PHACTR2: variants seen among roughly 807,000 people sequenced by gnomAD.
PHACTR2 encodes the protein phosphatase and actin regulator 2.
PHACTR2 carries 30 observed loss-of-function variants against 76.0 expected under a neutral mutation model. The ratio of observed to expected loss-of-function variants is 0.39; its 90% CI spans 0.30 to 0.54. The LOEUF (loss-of-function observed/expected upper bound fraction) is 0.54. PHACTR2 is among the 20% of genes least tolerant of loss of function. The pLI, the probability that PHACTR2 is intolerant of heterozygous loss-of-function variation, is 0.61. For missense variants in PHACTR2, 696 were observed against 781.1 expected (o/e 0.89, Z 1.30); for synonymous variants, 292 against 292.5 (o/e 1.00, Z 0.02).
At chr6:143,735,685 T>C (rs533671179) in intron 2 of PHACTR2, among the ~76,000 whole-genome samples, 17 of 152,020 alleles carry the variant, frequency 1.1e-4, no homozygotes, top group South Asian at 6.2e-4. Context: ...GAAAGTTTAA[T>C]CACCTGTGTT....
At chr6:143,813,388 G>A (rs2128485239) in intron 12 of PHACTR2, among the ~76,000 whole-genome samples, 1 of 152,242 alleles carries the variant, frequency 6.6e-6, no homozygotes, top group African/African-American at 2.4e-5. Context: ...GGGAGGCTGA[G>A]GTCGGTGGAT....
upstream of PHACTR2, among the ~76,000 whole-genome samples, chr6:143,604,545 T>C (rs1393921252): frequency 6.6e-6 from 1 of 152,190 alleles, no homozygotes. Flanking sequence ...CCATCAGTTC[T>C]TCTCTGTGCT....
At position 143,547,923 on chromosome 6, in the gene PHACTR2, C is replaced by G. The variant is rs1212028682; in HGVS notation, c.217+10716C>G. Among the ~76,000 whole-genome samples the G allele has an allele frequency of 6.6e-6, 1 of 152,204 alleles. No individual in the cohort carries two copies. Among genetic ancestry groups the G allele is most frequent in the Admixed American group, 6.5e-5 (1 of 15,290 alleles). On this transcript the variant is annotated intron_variant, in intron 1 of 11. Coordinates refer to the PHACTR2 transcript ENST00000367584. This position sits in a 1 kb window ranked among gnomAD's most constrained non-coding sequence, Gnocchi z 4.2. ...ATCTATCTATCATCTATCTATCCAT[C>G]TATCCATTCATCATCCATCATCTAT...
rs1282898550 is a variant in PHACTR2, at chr6:143,755,346, C to A, written c.454+1434C>A. ...TCCATCTGTGGTTTGTCCCTGGCAGCCTTCTCACATCCAAGAATCGCATCC... is the reference window on the plus strand; with the variant it reads ...TCCATCTGTGGTTTGTCCCTGGCAGACTTCTCACATCCAAGAATCGCATCC... On this transcript the variant is annotated intron_variant, in intron 4 of 12. Transcript: ENST00000440869. This position sits in a 1 kb window ranked among gnomAD's most constrained non-coding sequence, Gnocchi z 5.2. The A allele has an allele frequency of 4.4e-6, 2 of 455,926 alleles. No homozygotes were observed. Among genetic ancestry groups the A allele is most frequent in the African/African-American group, 4.0e-5 (2 of 50,050 alleles). The allele number at this position is 455,926 out of a possible 1,614,324, so 28.2% of individuals were successfully genotyped here.
chr6:143,679,271 C>A lies in PHACTR2; in HGVS notation c.46+1062C>A, dbSNP rs1021260752. On this transcript the variant is annotated intron_variant, in intron 1 of 12. Coordinates refer to ENST00000440869, the MANE Select transcript of PHACTR2 (RefSeq NM_001100164.2). The surrounding 1 kb of genome is among the most constrained non-coding windows in gnomAD (Gnocchi z 4.6). ...TAGCACAGCTTCACTCCCTGAGATA[C>A]CACAAGCTTTGCTGAGGTTTCTGTT... Among the ~76,000 whole-genome samples the A allele has an allele frequency of 1.8e-4, 28 of 152,238 alleles. No individual in the cohort carries two copies. Among genetic ancestry groups the A allele is most frequent in the Admixed American group, 9.2e-4 (14 of 15,296 alleles).
chr6:143,638,930 T>A (rs1475009713), intron 1 of PHACTR2, among the ~76,000 whole-genome samples: 2 of 152,134 alleles, frequency 1.3e-5, no homozygotes, highest in Non-Finnish European at 2.9e-5. Flanking sequence ...GTTTACAAAA[T>A]TTATTCTGTC....
At chr6:143,747,530 T>C (rs1463907006) in intron 2 of PHACTR2, among the ~76,000 whole-genome samples, 2 of 152,168 alleles carry the variant, frequency 1.3e-5, no homozygotes, top group Non-Finnish European at 2.9e-5. Flanking sequence ...TGTCAGAACC[T>C]GGTTTGGGGT....
intron 1 of PHACTR2, among the ~76,000 whole-genome samples, chr6:143,594,094 C>A (rs1381983885): frequency 6.6e-6 from 1 of 152,122 alleles, no homozygotes; most frequent in Non-Finnish European, 1.5e-5. Context: ...AATAGTGATA[C>A]CATTGTTTTC....
At position 143,710,390 on chromosome 6, in the gene PHACTR2, A is replaced by G. The variant is rs932666262; in HGVS notation, c.47-1626A>G. 2.0e-5 allele frequency among the ~76,000 whole-genome samples: 3 copies of G among 152,112 alleles called. No homozygotes were observed. Among genetic ancestry groups the G allele is most frequent in the African/African-American group, 7.2e-5 (3 of 41,416 alleles). ...TTTTTTAGTTGTATTTAGCCAGAGGAATAAGAAAAAGTTAAGTTTGGGCTG... is the reference window on the plus strand; with the variant it reads ...TTTTTTAGTTGTATTTAGCCAGAGGGATAAGAAAAAGTTAAGTTTGGGCTG... On this transcript the variant is annotated intron_variant, in intron 1 of 12. Coordinates refer to ENST00000440869, the MANE Select transcript of PHACTR2 (RefSeq NM_001100164.2). The surrounding 1 kb of genome is among the most constrained non-coding windows in gnomAD (Gnocchi z 4.9).
Position 143,680,756 on chromosome 6 carries a change from C to G in PHACTR2, c.46+2547C>G, listed in dbSNP as rs141040382. On this transcript the variant is annotated intron_variant, in intron 1 of 12. Transcript: ENST00000440869. This position sits in a 1 kb window ranked among gnomAD's most constrained non-coding sequence, Gnocchi z 4.5. ...TTGTGTGACCCTCAATCTCTGTTCC[C>G]ACCCTATTCAACCAGTGGGCTCTAC... 8.8e-3 allele frequency among the ~76,000 whole-genome samples: 1,336 copies of G among 152,166 alleles called. 23 individuals carry two copies. The highest frequency in any genetic ancestry group is 0.03 in the African/African-American group (1,245 of 41,512).
chr6:143,709,975 G>A lies in PHACTR2; in HGVS notation c.47-2041G>A, dbSNP rs899952062. Among the ~76,000 whole-genome samples the A allele has an allele frequency of 2.0e-5, 3 of 152,108 alleles. No homozygotes were observed. Among genetic ancestry groups the A allele is most frequent in the Non-Finnish European group, 2.9e-5 (2 of 68,022 alleles). On this transcript the variant is annotated intron_variant, in intron 1 of 12. Transcript: ENST00000440869. This position sits in a 1 kb window ranked among gnomAD's most constrained non-coding sequence, Gnocchi z 4.4. ...AGGGGTATTAGGGGTCCTTTTCAGAGCCTCATGAGGGTGGAAATCTAGTAA... is the reference window on the plus strand; with the variant it reads ...AGGGGTATTAGGGGTCCTTTTCAGAACCTCATGAGGGTGGAAATCTAGTAA...
chr6:143,729,865 C>T (rs1246450334), intron 2 of PHACTR2, among the ~76,000 whole-genome samples: 1 of 151,966 alleles, frequency 6.6e-6, no homozygotes, highest in Non-Finnish European at 1.5e-5. Context: ...TGATGAAATA[C>T]CATTTTTTTT....
Position 143,543,813 on chromosome 6 carries a change from G to T in PHACTR2, c.217+6606G>T, listed in dbSNP as rs1781195105. Among the ~76,000 whole-genome samples, 1 of 152,130 alleles carries T rather than the reference G, an allele frequency of 6.6e-6. No individual in the cohort carries two copies. The highest frequency in any genetic ancestry group is 1.5e-5 in the Non-Finnish European group (1 of 68,038). ...CTTTTTCCTGGGAGACACAATTTAGGCATTTGCAAGTTTGATATGGATATA... is the reference window on the plus strand; with the variant it reads ...CTTTTTCCTGGGAGACACAATTTAGTCATTTGCAAGTTTGATATGGATATA... On this transcript the variant is annotated intron_variant, in intron 1 of 11. Transcript: ENST00000367584. The surrounding 1 kb of genome is among the most constrained non-coding windows in gnomAD (Gnocchi z 4.7).
rs1323827621 is a variant in PHACTR2, at chr6:143,656,270, A to G, written c.13+47948A>G. On this transcript the variant is annotated intron_variant, in intron 1 of 11. Transcript: ENST00000305766. This position sits in a 1 kb window ranked among gnomAD's most constrained non-coding sequence, Gnocchi z 5.3. ...CAACTCAGTTACCTCCTGTGAGCCT[A>G]AGCTTTCTTGTCTGCAAACTGAGAG... 2.0e-5 allele frequency among the ~76,000 whole-genome samples: 3 copies of G among 152,278 alleles called. No homozygotes were observed. Among genetic ancestry groups the G allele is most frequent in the Non-Finnish European group, 4.4e-5 (3 of 68,024 alleles).
intron 1 of PHACTR2, among the ~76,000 whole-genome samples, chr6:143,705,259 C>T (rs1253104274): frequency 6.6e-6 from 1 of 151,168 alleles, no homozygotes; most frequent in Non-Finnish European, 1.5e-5. Context: ...GCTGAGATTA[C>T]AAGCGCCTGC....
At chr6:143,691,287 TA>T (rs72558507) in intron 1 of PHACTR2, among the ~76,000 whole-genome samples, 28,118 of 148,764 alleles carry the variant, frequency 0.19, 2,655 homozygotes, top group East Asian at 0.37. Context: ...GTATTTAAAT[TA>T]AAAAAAAAAA....
chr6:143,685,427 A>C (rs1018955805), intron 1 of PHACTR2, among the ~76,000 whole-genome samples: 3 of 152,166 alleles, frequency 2.0e-5, no homozygotes, highest in Non-Finnish European at 4.4e-5. Flanking sequence ...AAAACAAGTA[A>C]ACAACATGAA....
rs1456114656 is a variant in PHACTR2, at chr6:143,628,922, GAGATATATATATATATAT to G, written c.13+20602_13+20619del. ...AAAGAAGATGAATGTTTAAATGCAGGAGATATATATATATATATATATATATATATATATATATATATA... is the reference window on the plus strand; with the variant it reads ...AAAGAAGATGAATGTTTAAATGCAGGATATATATATATATATATATATATA... On this transcript the variant is annotated intron_variant, in intron 1 of 11. Transcript: ENST00000305766. 2.6e-3 allele frequency among the ~76,000 whole-genome samples: 274 copies of G among 104,478 alleles called. 11 individuals carry two copies. Among genetic ancestry groups the G allele is most frequent in the East Asian group, 6.1e-3 (13 of 2,124 alleles). The allele number at this position is 104,478 out of a possible 152,430, so 68.5% of individuals were successfully genotyped here.
chr6:143,756,599 T>G (rs1427728544), intron 4 of PHACTR2, among the ~76,000 whole-genome samples: 18 of 149,758 alleles, frequency 1.2e-4, no homozygotes, highest in African/African-American at 4.2e-4. Flanking sequence ...CTCGGGAGGC[T>G]GAGGCAGGAG....
Sources: allele counts gnomAD v4.1 joint callset (sites outside exome capture counted in the v4.1 genomes callset), GRCh38; gene constraint gnomAD v4.1.1; non-coding constraint Gnocchi (gnomAD v3.1); transcripts MANE v1.5; gene names NCBI Gene and HGNC (gene_info 2026-07-23, HGNC 2026-07-21).